The following VTI1A variants were observed in gnomAD, a reference collection of about 807,000 sequenced individuals.
The protein encoded by VTI1A is vesicle transport through interaction with t-SNAREs 1A, also known as vesicle transport through interaction with t-SNAREs homolog 1A.
VTI1A carries 22 observed loss-of-function variants against 34.9 expected under a neutral mutation model. That is an observed-to-expected ratio of 0.63 (90% CI 0.45 to 0.90). The LOEUF is 0.90. Ranked by LOEUF, VTI1A falls within the 40% of genes least tolerant of loss-of-function variation. The pLI is 0.00. For synonymous variants in VTI1A, 87 were observed against 97.3 expected (o/e 0.89, Z 0.62); for missense variants, 268 against 275.6 (o/e 0.97, Z 0.20).
intron 7 of VTI1A, among the ~76,000 whole-genome samples, chr10:112,710,078 A>G (rs989420706): frequency 2.7e-5 from 4 of 150,282 alleles, no homozygotes; most frequent in African/African-American, 4.9e-5. Flanking sequence ...AACAAGGAAT[A>G]CAGCTCTCAT....
chr10:112,497,908 T>A (rs1475639213), intron 3 of VTI1A, among the ~76,000 whole-genome samples: 1 of 152,220 alleles, frequency 6.6e-6, no homozygotes, highest in Non-Finnish European at 1.5e-5. Flanking sequence ...CGGGAAAGAA[T>A]GAAAGATATT....
At chr10:112,819,569 C>T (rs963403314), downstream of VTI1A, among the ~76,000 whole-genome samples, 4 of 152,102 alleles carry the variant, frequency 2.6e-5, no homozygotes, top group African/African-American at 4.8e-5. Flanking sequence ...ATCTCCGTGC[C>T]GTCAACTGGA....
At chr10:112,736,107 G>A (rs951110185) in intron 7 of VTI1A, among the ~76,000 whole-genome samples, 1,308 of 100,742 alleles carry the variant, frequency 0.013, 35 homozygotes, top group African/African-American at 0.06. Flanking sequence ...ATATATGTGT[G>A]TGTGTATATA....
At chr10:112,734,571 T>C (rs1850387256) in intron 7 of VTI1A, among the ~76,000 whole-genome samples, 1 of 152,100 alleles carries the variant, frequency 6.6e-6, no homozygotes. Context: ...TCCAATTAAA[T>C]ACTGAGCTTC....
intron 5 of VTI1A, among the ~76,000 whole-genome samples, chr10:112,652,503 T>C (rs2133804028): frequency 6.6e-6 from 1 of 152,170 alleles, no homozygotes; most frequent in East Asian, 1.9e-4. Flanking sequence ...GAAAGGTTGC[T>C]TGAGCCCAGG....
At chr10:112,621,709 C>T (rs924577859) in intron 5 of VTI1A, among the ~76,000 whole-genome samples, 1 of 152,182 alleles carries the variant, frequency 6.6e-6, no homozygotes, top group Non-Finnish European at 1.5e-5. Flanking sequence ...TATAAATGTA[C>T]TTCTACCTTG....
chr10:112,571,947 A>T (rs1405032495), intron 5 of VTI1A, among the ~76,000 whole-genome samples: 1 of 152,216 alleles, frequency 6.6e-6, no homozygotes, highest in East Asian at 1.9e-4. Context: ...ACTCATTGGC[A>T]TAAAGATGGG....
intron 7 of VTI1A, among the ~76,000 whole-genome samples, chr10:112,788,806 AT>A (rs1474484960): frequency 2.6e-5 from 4 of 151,912 alleles, no homozygotes; most frequent in Non-Finnish European, 4.4e-5. Flanking sequence ...TAATTCACAT[AT>A]TGATTTTTTT....
intron 7 of VTI1A, among the ~76,000 whole-genome samples, chr10:112,814,364 C>CT (rs1414792244): frequency 6.6e-6 from 1 of 152,196 alleles, no homozygotes; most frequent in African/African-American, 2.4e-5. Flanking sequence ...GCTCATGTCT[C>CT]TATTTCCGTG....
chr10:112,845,612 G>T, the VTI1A span, among the ~76,000 whole-genome samples: 1 of 152,190 alleles, frequency 6.6e-6, no homozygotes, highest in Non-Finnish European at 1.5e-5. Context: ...AGATTTCAGG[G>T]CACTGAGGGC....
intron 1 of VTI1A, 64 bp downstream of exon 1, chr10:112,447,531 C>A (rs999327791): frequency 3.2e-6 from 5 of 1,562,288 alleles, no homozygotes; most frequent in Non-Finnish European, 3.5e-6. Flanking sequence ...GGCGGTGGAA[C>A]GCCGCCCGAG....
intron 7 of VTI1A, among the ~76,000 whole-genome samples, chr10:112,729,857 G>A (rs1850186035): frequency 6.6e-6 from 1 of 152,206 alleles, no homozygotes; most frequent in African/African-American, 2.4e-5. Context: ...CGCTCTAGTG[G>A]TACTGGCAAG....
intron 5 of VTI1A, among the ~76,000 whole-genome samples, chr10:112,572,557 G>A (rs369528165): frequency 2.0e-5 from 3 of 152,140 alleles, no homozygotes; most frequent in Non-Finnish European, 2.9e-5. Context: ...TGAAATGTTC[G>A]GTCAGGCATG....
At chr10:112,819,019 A>C (rs769650034), downstream of VTI1A, among the ~76,000 whole-genome samples, 1 of 152,208 alleles carries the variant, frequency 6.6e-6, no homozygotes, top group Non-Finnish European at 1.5e-5. Flanking sequence ...GCACACTTTA[A>C]TATTTAATTA....
rs1158037214 is a variant in VTI1A, at chr10:112,767,476, G to C, written c.561-47814G>C. Among the ~76,000 whole-genome samples, 1 of 152,206 alleles carries C rather than the reference G, an allele frequency of 6.6e-6. No homozygotes were observed. The highest frequency in any genetic ancestry group is 1.9e-4 in the East Asian group (1 of 5,196). ...GTGCCTATTCAATGCCGAATATGAAGTAAAATCTGTCAGATTAAAAGCACA... is the reference window on the plus strand; with the variant it reads ...GTGCCTATTCAATGCCGAATATGAACTAAAATCTGTCAGATTAAAAGCACA... On this transcript the variant is annotated intron_variant, in intron 7 of 7. Coordinates refer to ENST00000393077, the MANE Select transcript of VTI1A (RefSeq NM_145206.4). The surrounding 1 kb of genome is among the most constrained non-coding windows in gnomAD (Gnocchi z 4.0).
intron 1 of VTI1A, among the ~76,000 whole-genome samples, chr10:112,458,414 A>G (rs1378887962): frequency 2.6e-5 from 4 of 152,146 alleles, no homozygotes; most frequent in Non-Finnish European, 5.9e-5. Flanking sequence ...ATCATCTATT[A>G]AATATTTAAT....
At chr10:112,490,668 A>G (rs1848790784) in intron 3 of VTI1A, among the ~76,000 whole-genome samples, 1 of 150,594 alleles carries the variant, frequency 6.6e-6, no homozygotes, top group African/African-American at 2.5e-5. Flanking sequence ...TGATTGGCCC[A>G]GAAATAGCAA....
chr10:112,543,099 C>T (rs1188932029), intron 5 of VTI1A, among the ~76,000 whole-genome samples: 1 of 152,164 alleles, frequency 6.6e-6, no homozygotes, highest in East Asian at 1.9e-4. Context: ...TGGGTTCGTT[C>T]CAAGTCTTTG....
chr10:112,695,133 A>T (rs959152840), intron 7 of VTI1A, among the ~76,000 whole-genome samples: 2 of 152,212 alleles, frequency 1.3e-5, no homozygotes, highest in Non-Finnish European at 2.9e-5. Context: ...AAAAGTGAAA[A>T]GTTCAAGTTT....
Sources: gnomAD v4.1 joint callset for allele counts (sites outside exome capture counted in the v4.1 genomes callset) on GRCh38, gnomAD v4.1.1 for gene constraint, Gnocchi (gnomAD v3.1) non-coding constraint, MANE v1.5 for transcripts, NCBI Gene and HGNC (gene_info 2026-07-23, HGNC 2026-07-21) for gene names.